MGAT4C: variants seen among roughly 807,000 people sequenced by gnomAD.
The protein encoded by MGAT4C is MGAT4 family member C.
In MGAT4C, 19 loss-of-function variants were observed where a neutral mutation model predicts 40.1. The observed-to-expected ratio is 0.47, with a 90% confidence interval of 0.33 to 0.70. The LOEUF (loss-of-function observed/expected upper bound fraction) is 0.70. Ranked by LOEUF, MGAT4C falls within the 30% of genes least tolerant of loss-of-function variation. The probability of loss-of-function intolerance (pLI) is 0.02; values close to 1 mark genes in which losing one functional copy is unlikely to be tolerated. For synonymous variants in MGAT4C, 181 were observed against 187.1 expected (o/e 0.97, Z 0.27); for missense variants, 491 against 563.2 (o/e 0.87, Z 1.30).
intron 2 of MGAT4C, among the ~76,000 whole-genome samples, chr12:86,498,376 A>G (rs1175384079): frequency 6.6e-6 from 1 of 151,790 alleles, no homozygotes; most frequent in Non-Finnish European, 1.5e-5. Context: ...GCAACAGTTT[A>G]AAAAAACCAC....
chr12:86,455,842 T>G (rs1290178935), intron 2 of MGAT4C, among the ~76,000 whole-genome samples: 1 of 152,078 alleles, frequency 6.6e-6, no homozygotes, highest in Non-Finnish European at 1.5e-5. Flanking sequence ...ATTCGCAAGG[T>G]CTGGTGTGGT....
chr12:86,807,316 C>T (rs576728795), intron 1 of MGAT4C, among the ~76,000 whole-genome samples: 1 of 152,088 alleles, frequency 6.6e-6, no homozygotes, highest in African/African-American at 2.4e-5. Flanking sequence ...GTGCTGCGCC[C>T]CAGTGTGTGT....
chr12:86,532,114 A>C (rs545551663), intron 2 of MGAT4C, among the ~76,000 whole-genome samples: 45 of 152,116 alleles, frequency 3.0e-4, no homozygotes, highest in African/African-American at 1.1e-3. Context: ...CATTAAATTA[A>C]GTGACTGAAA....
rs188492315 is a variant in MGAT4C at position 86,428,522 on chromosome 12, C to T, written c.-120+6635G>A. Among the ~76,000 whole-genome samples the T allele has an allele frequency of 3.0e-4, 45 of 152,268 alleles. No homozygotes were observed. The East Asian group carries it at 5.4e-3, about 18-fold the overall frequency. ...GCTACCACTCCCGGCCTCTCCTCTT[C>T]GACTTTTTGAGAGAGTTTGAGGATT... On this transcript the variant is annotated intron_variant, in intron 3 of 7. Coordinates refer to the MGAT4C transcript ENST00000548651.
At chr12:86,042,671 C>G (rs1891974780) in intron 2 of MGAT4C, among the ~76,000 whole-genome samples, 1 of 151,850 alleles carries the variant, frequency 6.6e-6, no homozygotes, top group Admixed American at 6.6e-5. Context: ...TGAGACCATC[C>G]TGGCTAACAC....
chr12:86,429,666 T>C (rs903578032), intron 3 of MGAT4C, among the ~76,000 whole-genome samples: 1 of 152,174 alleles, frequency 6.6e-6, no homozygotes, highest in Non-Finnish European at 1.5e-5. Flanking sequence ...TCACCCTCTT[T>C]CATATATGGT....
At chr12:86,385,692 C>G (rs879357185) in intron 3 of MGAT4C, among the ~76,000 whole-genome samples, 1 of 152,146 alleles carries the variant, frequency 6.6e-6, no homozygotes, top group Non-Finnish European at 1.5e-5. Context: ...GAAGTTGAGC[C>G]TGTTCAACTG....
chr12:86,560,097 A>T (rs1019144242), intron 2 of MGAT4C, among the ~76,000 whole-genome samples: 3 of 152,062 alleles, frequency 2.0e-5, no homozygotes, highest in African/African-American at 7.2e-5. Flanking sequence ...AGATTAAATC[A>T]GGGAGAATTA....
chr12:86,505,486 C>A (rs1177715605), intron 2 of MGAT4C, among the ~76,000 whole-genome samples: 2 of 152,176 alleles, frequency 1.3e-5, no homozygotes, highest in African/African-American at 4.8e-5. Flanking sequence ...AAACCAGAGT[C>A]AGCACAAATG....
rs1884442804 is a variant in MGAT4C, at chr12:85,980,384, G to A, written c.342C>T (p.Asn114=). ...TTGACTTAATTGTCTCAAGTAAATA[G>A]TTTCCTTTTTTTCGCTTTACTGAAG... The part of the protein sequence containing the change: ...GLSSVKRKKG[N]YLLETIKSIF... Residue 114 remains asparagine, a synonymous_variant, in exon 5 of 5, where the codon AAC becomes AAT. Transcript: ENST00000611864. 1.2e-6 allele frequency: 2 copies of A among 1,608,340 alleles called. No homozygotes were observed. Among genetic ancestry groups the A allele is most frequent in the East Asian group, 4.5e-5 (2 of 44,814 alleles).
At chr12:86,378,502 T>G (rs1955872511) in intron 3 of MGAT4C, among the ~76,000 whole-genome samples, 2 of 152,128 alleles carry the variant, frequency 1.3e-5, no homozygotes, top group African/African-American at 4.8e-5. Context: ...GTTTTAGATT[T>G]GGTGGAGGAA....
chr12:86,366,916 C>T (rs1304205568), intron 3 of MGAT4C, among the ~76,000 whole-genome samples: 1 of 152,058 alleles, frequency 6.6e-6, no homozygotes, highest in Non-Finnish European at 1.5e-5. Context: ...TAAAAATTAA[C>T]TTCTCAGCAA....
chr12:86,830,340 G>A (rs933615859), intron 1 of MGAT4C, among the ~76,000 whole-genome samples: 2 of 151,400 alleles, frequency 1.3e-5, no homozygotes, highest in Non-Finnish European at 3.0e-5. Flanking sequence ...CTGTTATTCT[G>A]TCACCACATG....
At chr12:86,699,447 G>T (rs934968082) in intron 2 of MGAT4C, among the ~76,000 whole-genome samples, 1 of 152,020 alleles carries the variant, frequency 6.6e-6, no homozygotes, top group Admixed American at 6.6e-5. Context: ...GTCAATTTAG[G>T]TCATCAGAGT....
intron 1 of MGAT4C, among the ~76,000 whole-genome samples, chr12:86,107,558 T>A (rs891766919): frequency 1.3e-5 from 2 of 152,180 alleles, no homozygotes; most frequent in African/African-American, 4.8e-5. Flanking sequence ...AAGATGTCAA[T>A]ATAAAAAGTT....
At chr12:86,182,031 A>G (rs1888189072) in intron 1 of MGAT4C, among the ~76,000 whole-genome samples, 1 of 152,078 alleles carries the variant, frequency 6.6e-6, no homozygotes. Context: ...TACATTTTGC[A>G]TAACAATTAT....
intron 2 of MGAT4C, among the ~76,000 whole-genome samples, chr12:86,502,239 C>T (rs1958358625): frequency 6.6e-6 from 1 of 151,922 alleles, no homozygotes; most frequent in Non-Finnish European, 1.5e-5. Flanking sequence ...GTGAGAGAAG[C>T]AAATCCTAAA....
chr12:85,999,762 A>T (rs1887092076), intron 2 of MGAT4C, among the ~76,000 whole-genome samples: 1 of 152,148 alleles, frequency 6.6e-6, no homozygotes, highest in Non-Finnish European at 1.5e-5. Flanking sequence ...AAGTGAAGTA[A>T]GCCAGGCACA....
chr12:86,745,358 T>C (rs991754772), intron 1 of MGAT4C, among the ~76,000 whole-genome samples: 4 of 151,644 alleles, frequency 2.6e-5, no homozygotes, highest in South Asian at 2.1e-4. Context: ...AATCAAAGTA[T>C]TTTTTACTTT....
Sources: allele counts gnomAD v4.1 joint callset (sites outside exome capture counted in the v4.1 genomes callset), GRCh38; gene constraint gnomAD v4.1.1; transcripts MANE v1.5; gene names NCBI Gene and HGNC (gene_info 2026-07-23, HGNC 2026-07-21).